Variants in ANKS1B observed in about 807,000 individuals in gnomAD.
ANKS1B encodes the protein ankyrin repeat and sterile alpha motif domain containing 1B.
A neutral mutation model predicts 148.3 loss-of-function variants in ANKS1B; 36 were observed. The observed-to-expected ratio is 0.24, with a 90% CI of 0.19 to 0.32. ANKS1B has a LOEUF of 0.32. Ranked by LOEUF, ANKS1B falls within the 10% of genes least tolerant of loss-of-function variation. The probability of loss-of-function intolerance (pLI) is 1.00; values close to 1 mark genes in which losing one functional copy is unlikely to be tolerated. For synonymous variants in ANKS1B, 542 were observed against 560.8 expected, an observed-to-expected ratio of 0.97 and a Z score of 0.47; for missense variants, 1,157 against 1,542.6, an observed-to-expected ratio of 0.75 and a Z score of 4.19.
intron 15 of ANKS1B, among the ~76,000 whole-genome samples, chr12:99,152,282 C>G (rs954311007): frequency 1.3e-5 from 2 of 152,088 alleles, no homozygotes; most frequent in African/African-American, 4.8e-5. Context: ...ATTAACTCCT[C>G]TAAATGGCAA....
At chr12:99,956,706 C>T (rs542076497) in intron 1 of ANKS1B, among the ~76,000 whole-genome samples, 1 of 152,302 alleles carries the variant, frequency 6.6e-6, no homozygotes, top group African/African-American at 2.4e-5. Flanking sequence ...GTGCTTGTGC[C>T]TCATCAGTGG....
At chr12:98,902,311 G>T (rs1240866780) in intron 17 of ANKS1B, among the ~76,000 whole-genome samples, 2 of 152,138 alleles carry the variant, frequency 1.3e-5, no homozygotes, top group Non-Finnish European at 2.9e-5. Flanking sequence ...AGCACAGTTG[G>T]TAAGTACCTC....
At chr12:99,352,314 T>A (rs892302051) in intron 12 of ANKS1B, among the ~76,000 whole-genome samples, 5 of 152,060 alleles carry the variant, frequency 3.3e-5, no homozygotes, top group Non-Finnish European at 7.4e-5. Flanking sequence ...CAAGTGAATG[T>A]GTACGTTCTC....
At chr12:99,477,224 G>A (rs963139422) in intron 10 of ANKS1B, among the ~76,000 whole-genome samples, 33 of 152,248 alleles carry the variant, frequency 2.2e-4, no homozygotes, top group African/African-American at 6.5e-4. Context: ...CCAGGAAAGC[G>A]GATCACTGGC....
chr12:99,636,875 C>G (rs190539781), intron 9 of ANKS1B, among the ~76,000 whole-genome samples: 1 of 152,238 alleles, frequency 6.6e-6, no homozygotes, highest in East Asian at 1.9e-4. Context: ...AAATACACTT[C>G]AAAATCAATT....
chr12:98,755,698 G>C (rs1326971541), intron 25 of ANKS1B, among the ~76,000 whole-genome samples: 3 of 152,192 alleles, frequency 2.0e-5, no homozygotes, highest in African/African-American at 7.2e-5. Context: ...AGATGAGGCA[G>C]TGGAGGCTCA....
chr12:98,961,106 T>G lies in ANKS1B; in HGVS notation c.2778+92051A>C, dbSNP rs1230475494. Among the ~76,000 whole-genome samples, 3 of 152,284 alleles carry G rather than the reference T, an allele frequency of 2.0e-5. No homozygotes were observed. In the South Asian group the frequency reaches 6.2e-4, roughly 32 times the overall value. On this transcript the variant is annotated intron_variant, in intron 17 of 26. Transcript: ENST00000683438. ...GGTGCAGGAAGTTTATTCAAAAAGA[T>G]AATAACAGAGAACTTAACAAACCTA...
At chr12:98,880,156 G>A (rs763182829) in intron 17 of ANKS1B, among the ~76,000 whole-genome samples, 11 of 152,180 alleles carry the variant, frequency 7.2e-5, no homozygotes, top group South Asian at 2.1e-4. Context: ...CTCCCATGGC[G>A]ACAGAGCCCT....
chr12:99,041,884 C>T (rs2099959244), intron 17 of ANKS1B, among the ~76,000 whole-genome samples: 1 of 151,990 alleles, frequency 6.6e-6, no homozygotes, highest in Non-Finnish European at 1.5e-5. Context: ...GCGCCTAGTC[C>T]CAGCTACTTG....
intron 1 of ANKS1B, among the ~76,000 whole-genome samples, chr12:99,841,638 T>A (rs964119342): frequency 6.6e-6 from 1 of 152,034 alleles, no homozygotes; most frequent in African/African-American, 2.4e-5. Context: ...TTTTGTGGAG[T>A]AAACCCTTAA....
intron 9 of ANKS1B, among the ~76,000 whole-genome samples, chr12:99,580,771 T>C (rs2097562828): frequency 6.6e-6 from 1 of 152,208 alleles, no homozygotes; most frequent in African/African-American, 2.4e-5. Context: ...ATAGAAATGA[T>C]CAATATTTGA....
intron 12 of ANKS1B, among the ~76,000 whole-genome samples, chr12:99,369,435 C>T (rs1198640298): frequency 6.6e-6 from 1 of 152,108 alleles, no homozygotes; most frequent in Non-Finnish European, 1.5e-5. Context: ...CTTAAAGAAA[C>T]TTGAGTGATG....
chr12:99,112,478 C>CT (rs1050235406), intron 15 of ANKS1B, among the ~76,000 whole-genome samples: 6 of 151,030 alleles, frequency 4.0e-5, no homozygotes. Context: ...AACATCTTGT[C>CT]TTTTTTGTTG....
intron 12 of ANKS1B, among the ~76,000 whole-genome samples, chr12:99,284,233 C>A (rs984059099): frequency 6.6e-6 from 1 of 152,142 alleles, no homozygotes; most frequent in African/African-American, 2.4e-5. Flanking sequence ...CTTCCCCACC[C>A]CAACCCAGTT....
chr12:99,767,104 A>C (rs955240265), intron 8 of ANKS1B, among the ~76,000 whole-genome samples: 3 of 152,180 alleles, frequency 2.0e-5, no homozygotes, highest in Admixed American at 6.5e-5. Flanking sequence ...ATTAAAAAAA[A>C]CTGAAAATCC....
intron 9 of ANKS1B, among the ~76,000 whole-genome samples, chr12:99,582,486 T>G (rs1389289123): frequency 2.0e-5 from 3 of 151,962 alleles, no homozygotes; most frequent in Non-Finnish European, 4.4e-5. Flanking sequence ...CTGTTCAATA[T>G]CCATAAAAAA....
intron 17 of ANKS1B, among the ~76,000 whole-genome samples, chr12:98,880,747 G>A (rs1201745961): frequency 6.6e-6 from 1 of 151,904 alleles, no homozygotes; most frequent in Non-Finnish European, 1.5e-5. Context: ...CAGCCTGGGC[G>A]ACACAGCGAG....
At chr12:98,757,921 T>A (rs565517982) in intron 25 of ANKS1B, among the ~76,000 whole-genome samples, 4 of 143,714 alleles carry the variant, frequency 2.8e-5, no homozygotes, top group Admixed American at 2.1e-4. Context: ...GAGCTGCATG[T>A]GTGTGCATGT....
chr12:99,618,261 G>A (rs2097996648), intron 9 of ANKS1B, among the ~76,000 whole-genome samples: 1 of 151,980 alleles, frequency 6.6e-6, no homozygotes, highest in South Asian at 2.1e-4. Flanking sequence ...GTATGTATAA[G>A]GACAAAACAC....
Sources: gnomAD v4.1 joint callset for allele counts (sites outside exome capture counted in the v4.1 genomes callset) on GRCh38, gnomAD v4.1.1 for gene constraint, MANE v1.5 for transcripts, NCBI Gene and HGNC (gene_info 2026-07-23, HGNC 2026-07-21) for gene names.